The following CRHR2 variants were observed in gnomAD, a reference collection of about 807,000 sequenced individuals.
CRHR2 encodes corticotropin releasing hormone receptor 2.
Under a neutral mutation model 57.9 loss-of-function variants are expected in CRHR2, and 53 were observed. The ratio of observed to expected loss-of-function variants is 0.92; its 90% CI spans 0.73 to 1.15. CRHR2 has a LOEUF of 1.15. Ranked by LOEUF, CRHR2 falls within the 50% of genes most tolerant of loss-of-function variation. The pLI is 0.00. For missense variants in CRHR2, 532 were observed against 542.6 expected (o/e 0.98, Z 0.19); for synonymous variants, 213 against 220.9 (o/e 0.96, Z 0.32).
intron 8 of CRHR2, among the ~76,000 whole-genome samples, chr7:30,657,863 C>T (rs1256399561): frequency 6.6e-6 from 1 of 152,144 alleles, no homozygotes; most frequent in Non-Finnish European, 1.5e-5. Flanking sequence ...CAATTATCCA[C>T]CTACTGTTTT....
At chr7:30,694,428 G>A (rs1451828539) in intron 1 of CRHR2, among the ~76,000 whole-genome samples, 2 of 152,180 alleles carry the variant, frequency 1.3e-5, no homozygotes, top group East Asian at 1.9e-4. Flanking sequence ...CTGTGCCCGG[G>A]GCCCCGACAG....
chr7:30,687,995 T>A (rs528636135), intron 2 of CRHR2, among the ~76,000 whole-genome samples: 5 of 152,352 alleles, frequency 3.3e-5, no homozygotes, highest in Admixed American at 2.0e-4. Flanking sequence ...TCAGATGGTG[T>A]CACAGGCTGA....
In CRHR2 at chr7:30,667,334, C is replaced by A. The variant is rs201516650; in HGVS notation, c.230-21G>T. ...ATTCCCTACAAAAAATGCCAACTGC[C>A]AAGAGTCAGGTCACTCCCCTCCTCA... On this transcript the variant is annotated intron_variant, in intron 2 of 11. Coordinates refer to ENST00000471646, the MANE Select transcript of CRHR2 (RefSeq NM_001883.5). 2.7e-5 allele frequency: 44 copies of A among 1,611,182 alleles called. No homozygotes were observed. The Admixed American group carries it at 5.3e-4, about 20-fold the overall frequency.
intron 2 of CRHR2, among the ~76,000 whole-genome samples, chr7:30,688,088 G>A (rs886572853): frequency 7.2e-5 from 11 of 152,334 alleles, no homozygotes; most frequent in Middle Eastern, 3.4e-3. Flanking sequence ...TAGGGTCTTC[G>A]ATGAGGTGAT....
intron 11 of CRHR2, chr7:30,654,577 C>T: frequency 3.6e-6 from 4 of 1,105,650 alleles, no homozygotes; most frequent in Non-Finnish European, 3.8e-6. Context: ...GATTGGCTTG[C>T]ACATGCCAAG....
chr7:30,688,233 G>A (rs1227321357), intron 2 of CRHR2, among the ~76,000 whole-genome samples: 1 of 152,232 alleles, frequency 6.6e-6, no homozygotes, highest in Non-Finnish European at 1.5e-5. Context: ...TGCAAGCCAA[G>A]TAGGGAGGCC....
chr7:30,670,493 AG>A (rs1159679749), intron 2 of CRHR2, among the ~76,000 whole-genome samples: 6 of 152,364 alleles, frequency 3.9e-5, no homozygotes, highest in Admixed American at 3.3e-4. Context: ...CTGGGAAAGC[AG>A]GTGGGATGCA....
At chr7:30,695,707 G>C (rs73685769) in intron 1 of CRHR2, among the ~76,000 whole-genome samples, 76 of 152,234 alleles carry the variant, frequency 5.0e-4, no homozygotes, top group African/African-American at 1.8e-3. Flanking sequence ...ATTTGTTTTG[G>C]AGTCTGTCCG....
rs371914678 is a variant in CRHR2, at chr7:30,691,658, G to T, written c.-260-2374C>A. Among the ~76,000 whole-genome samples, 3 of 152,180 alleles carry T rather than the reference G, an allele frequency of 2.0e-5. No homozygotes were observed. In the East Asian group the frequency reaches 5.8e-4, roughly 29 times the overall value. On this transcript the variant is annotated intron_variant, in intron 1 of 13. Coordinates refer to the CRHR2 transcript ENST00000341843. ...TGGGTCTGGGCAAAATTTGGTACAG[G>T]CATATCAGAAGTAATTTTTGGAGTA... is the stretch of plus-strand genomic sequence containing the variant.
chr7:30,682,204 C>G lies in CRHR2; in HGVS notation c.77G>C (p.Gly26Ala), dbSNP rs1377019159. 3 of 1,587,728 alleles carry G rather than the reference C, an allele frequency of 1.9e-6. No individual in the cohort carries two copies. In the African/African-American group the frequency reaches 4.1e-5, roughly 22 times the overall value. The change falls in exon 1 of 12, where the codon GGC (glycine) becomes GCC (alanine). Residue 26 changes from glycine to alanine, a missense_variant. Physicochemically the swap from Gly to Ala is moderately conservative, Grantham distance 60. Transcript: ENST00000471646. Reference protein sequence around the residue: ...LALAEELLLDGWGPPLDPEGP... With the variant: ...LALAEELLLDAWGPPLDPEGP... Reference sequence around the variant, plus strand: ...CTCGGGGTCCAGGGGTGGCCCCCAGCCGTCCAAGAGCAGCTCTTCAGCCAG... The same window carrying G: ...CTCGGGGTCCAGGGGTGGCCCCCAGGCGTCCAAGAGCAGCTCTTCAGCCAG...
chr7:30,666,540 C>T (rs1784189478), intron 3 of CRHR2, among the ~76,000 whole-genome samples: 2 of 152,216 alleles, frequency 1.3e-5, no homozygotes. Flanking sequence ...AGTGGCCTCC[C>T]TGCAGAACCC....
intron 8 of CRHR2, among the ~76,000 whole-genome samples, chr7:30,657,481 A>G (rs540884825): frequency 4.6e-5 from 7 of 152,238 alleles, no homozygotes; most frequent in Non-Finnish European, 8.8e-5. Context: ...CCCCTGGATC[A>G]TGGGACACAA....
At chr7:30,700,091 C>T (rs374342357) in exon 1 of CRHR2, 7 of 1,202,458 alleles carry the variant, frequency 5.8e-6, no homozygotes, top group East Asian at 3.2e-5. Flanking sequence ...GTGGTCACAC[C>T]CTGGCCAGCC....
upstream of CRHR2, among the ~76,000 whole-genome samples, chr7:30,684,971 G>A (rs924578735): frequency 2.0e-5 from 3 of 152,236 alleles, no homozygotes; most frequent in Non-Finnish European, 4.4e-5. Flanking sequence ...GGTTCCCAGC[G>A]CTGCAGGCCA....
At chr7:30,660,021 T>G (rs1363431494) in intron 8 of CRHR2, among the ~76,000 whole-genome samples, 2 of 152,230 alleles carry the variant, frequency 1.3e-5, no homozygotes, top group South Asian at 4.1e-4. Flanking sequence ...CTCTCTTAAT[T>G]AAAGCTCATT....
intron 3 of CRHR2, among the ~76,000 whole-genome samples, chr7:30,666,297 G>A (rs962811847): frequency 6.6e-6 from 1 of 152,066 alleles, no homozygotes; most frequent in Non-Finnish European, 1.5e-5. Context: ...CACACGAGGG[G>A]GTGCACTGTC....
chr7:30,668,006 G>T (rs1228657977), intron 2 of CRHR2, among the ~76,000 whole-genome samples: 2 of 152,220 alleles, frequency 1.3e-5, no homozygotes, highest in African/African-American at 4.8e-5. Flanking sequence ...GAATGCTGGG[G>T]ACTCAGGGCT....
At chr7:30,659,463 G>A (rs1230136738) in intron 8 of CRHR2, among the ~76,000 whole-genome samples, 1 of 152,146 alleles carries the variant, frequency 6.6e-6, no homozygotes, top group Non-Finnish European at 1.5e-5. Context: ...GGTTGGGAGG[G>A]AAAGGATCTC....
In CRHR2 at chr7:30,682,436, G is replaced by A; in HGVS notation, c.-156C>T. ...CGGGCAGCCTTTGGGCGCCACCTCC[G>A]GTCGCCCAGAGCTGTCAAGTGGGGA... On this transcript the variant is annotated 5_prime_UTR_variant, in exon 1 of 12. Transcript: ENST00000471646. 1 of 1,356,624 alleles carries A rather than the reference G, an allele frequency of 7.4e-7. No individual in the cohort carries two copies. Among genetic ancestry groups the A allele is most frequent in the Non-Finnish European group, 9.4e-7 (1 of 1,061,644 alleles). The allele number at this position is 1,356,624 out of a possible 1,614,324, so 84.0% of individuals were successfully genotyped here. A position where few individuals can be genotyped will look rare whatever the true frequency, so the allele number is the denominator to read the frequency against.
Sources: allele counts gnomAD v4.1 joint callset (sites outside exome capture counted in the v4.1 genomes callset), GRCh38; gene constraint gnomAD v4.1.1; transcripts MANE v1.5; gene names NCBI Gene and HGNC (gene_info 2026-07-23, HGNC 2026-07-21).